The following PDE11A variants were observed in gnomAD, a reference collection of about 807,000 sequenced individuals.
PDE11A encodes the protein dual 3',5'-cyclic-AMP and -GMP phosphodiesterase 11A.
In PDE11A, 100 loss-of-function variants were observed where a neutral mutation model predicts 100.5. That is an observed-to-expected ratio of 1.00 (90% CI 0.85 to 1.18). The LOEUF (loss-of-function observed/expected upper bound fraction) is 1.18. PDE11A is among the 50% of genes most tolerant of loss of function. PDE11A has a pLI of 0.00. For missense variants in PDE11A, 1,141 were observed against 1,152.6 expected (o/e 0.99, Z 0.15); for synonymous variants, 381 against 420.8 (o/e 0.91, Z 1.16).
chr2:178,071,994 G>C lies in PDE11A; in HGVS notation c.444C>G (p.Pro148=). 1 of 1,614,126 alleles carries C rather than the reference G, an allele frequency of 6.2e-7. No individual in the cohort carries two copies. The highest frequency in any genetic ancestry group is 1.1e-5 in the South Asian group (1 of 91,074). ...GTGCCCTCCGTCGTACACTACTCAGGGGTTCCTGAGCCCGGGAGGTCACCT... is the reference window on the plus strand; with the variant it reads ...GTGCCCTCCGTCGTACACTACTCAGCGGTTCCTGAGCCCGGGAGGTCACCT... ...DEQVTSRAQE[P]LSSVRRRALL... Residue 148 remains proline (P), a synonymous_variant, in exon 1 of 20, where the codon CCC becomes CCG. Transcript: ENST00000286063.
intron 2 of PDE11A, among the ~76,000 whole-genome samples, chr2:177,919,689 GA>G (rs1559006726): frequency 6.6e-6 from 1 of 151,586 alleles, no homozygotes; most frequent in African/African-American, 2.4e-5. Context: ...TCAATAAAAA[GA>G]TATTGAATCA....
intron 5 of PDE11A, among the ~76,000 whole-genome samples, chr2:177,869,919 A>G (rs2084098693): frequency 1.3e-5 from 2 of 152,334 alleles, no homozygotes; most frequent in South Asian, 4.1e-4. Flanking sequence ...AGTTTTTCCT[A>G]AATGAATTAC....
rs2084682839 is a variant in PDE11A, at chr2:177,900,780, A to T, written c.1162-2582T>A. Reference sequence around the variant, plus strand: ...CTCAAAAAAAAAGAAAGAAAAGAAAAGAAAAAAACATGTGAATGAGTTAAG... The same window carrying T: ...CTCAAAAAAAAAGAAAGAAAAGAAATGAAAAAAACATGTGAATGAGTTAAG... On this transcript the variant is annotated intron_variant, in intron 3 of 19. Transcript: ENST00000286063. 2.0e-5 allele frequency among the ~76,000 whole-genome samples: 3 copies of T among 152,260 alleles called. No individual in the cohort carries two copies. In the South Asian group the frequency reaches 6.2e-4, roughly 32 times the overall value.
At chr2:177,780,597 T>C (rs929246473) in intron 9 of PDE11A, among the ~76,000 whole-genome samples, 2 of 152,232 alleles carry the variant, frequency 1.3e-5, no homozygotes, top group Non-Finnish European at 2.9e-5. Context: ...AAATCTGTTG[T>C]CTACTGTAAC....
At chr2:177,655,731 T>C (rs1423440716) in intron 19 of PDE11A, among the ~76,000 whole-genome samples, 1 of 152,112 alleles carries the variant, frequency 6.6e-6, no homozygotes, top group Non-Finnish European at 1.5e-5. Context: ...TTAGTTGATG[T>C]TTGTACTGAT....
intron 5 of PDE11A, among the ~76,000 whole-genome samples, chr2:177,853,714 T>G (rs10175142): frequency 0.29 from 4,496 of 15,600 alleles, 279 homozygotes; most frequent in Middle Eastern, 0.4. Context: ...GTGTGTGTGT[T>G]TGTGTGTGTG....
chr2:177,701,075 T>C, intron 14 of PDE11A, 46 bp downstream of exon 14: 1 of 1,005,092 alleles, frequency 9.9e-7, no homozygotes, highest in Non-Finnish European at 1.6e-6. Context: ...AACAAAGAGT[T>C]GTTTTGGTTT....
intron 2 of PDE11A, among the ~76,000 whole-genome samples, chr2:177,928,408 G>A (rs184498470): frequency 4.2e-4 from 64 of 152,316 alleles, no homozygotes; most frequent in Non-Finnish European, 2.9e-5. Flanking sequence ...TGAAGCAGGT[G>A]GACCACTTGA....
intron 1 of PDE11A, among the ~76,000 whole-genome samples, chr2:178,065,464 T>C (rs2087030957): frequency 6.6e-6 from 1 of 152,204 alleles, no homozygotes; most frequent in African/African-American, 2.4e-5. Flanking sequence ...CTTTACATGA[T>C]TCTGTAGGAA....
intron 19 of PDE11A, among the ~76,000 whole-genome samples, chr2:177,642,612 G>A (rs1230607653): frequency 6.6e-6 from 1 of 152,200 alleles, no homozygotes; most frequent in Non-Finnish European, 1.5e-5. Context: ...TGGCCAGGGA[G>A]ATGTAAGCAG....
chr2:178,049,537 C>T (rs919505444), intron 1 of PDE11A, among the ~76,000 whole-genome samples: 3 of 152,272 alleles, frequency 2.0e-5, no homozygotes, highest in African/African-American at 4.8e-5. Context: ...GAGCATGAGC[C>T]GAAGCAGGGC....
At chr2:177,706,654 A>T (rs1039971169) in intron 13 of PDE11A, among the ~76,000 whole-genome samples, 4 of 152,202 alleles carry the variant, frequency 2.6e-5, no homozygotes, top group African/African-American at 9.7e-5. Context: ...AAGTGCAAAA[A>T]TGACTCCATA....
At chr2:177,778,490 G>A (rs1048787566) in intron 9 of PDE11A, among the ~76,000 whole-genome samples, 11 of 152,202 alleles carry the variant, frequency 7.2e-5, no homozygotes, top group Admixed American at 3.9e-4. Flanking sequence ...GCATGAATAC[G>A]TTTATTGCTC....
chr2:177,896,741 T>A (rs961624533), intron 4 of PDE11A, among the ~76,000 whole-genome samples: 9 of 152,212 alleles, frequency 5.9e-5, no homozygotes, highest in African/African-American at 2.2e-4. Context: ...AGGATGATAG[T>A]AACACCTACC....
intron 2 of PDE11A, among the ~76,000 whole-genome samples, chr2:177,927,336 T>C (rs763601068): frequency 2.0e-5 from 3 of 152,262 alleles, no homozygotes; most frequent in Non-Finnish European, 4.4e-5. Context: ...GTCGTACTTA[T>C]GTCAAATTAG....
intron 2 of PDE11A, among the ~76,000 whole-genome samples, chr2:178,088,228 A>C (rs1355160276): frequency 6.6e-6 from 1 of 152,232 alleles, no homozygotes; most frequent in Non-Finnish European, 1.5e-5. Flanking sequence ...CAAAGTGAAA[A>C]ATGCAAAGAA....
At chr2:177,806,417 C>A (rs971850762) in intron 9 of PDE11A, among the ~76,000 whole-genome samples, 1 of 152,132 alleles carries the variant, frequency 6.6e-6, no homozygotes, top group African/African-American at 2.4e-5. Context: ...AAAGCTTCAG[C>A]CAATCCCCAG....
chr2:177,738,894 G>C (rs1033928395), intron 10 of PDE11A, among the ~76,000 whole-genome samples: 1 of 152,252 alleles, frequency 6.6e-6, no homozygotes, highest in Non-Finnish European at 1.5e-5. Flanking sequence ...ATGGACCAGG[G>C]TTCGTAAACT....
At chr2:177,930,429 C>G (rs1434379908) in intron 2 of PDE11A, among the ~76,000 whole-genome samples, 2 of 150,070 alleles carry the variant, frequency 1.3e-5, no homozygotes, top group African/African-American at 4.9e-5. Flanking sequence ...TTAGAATAGA[C>G]CAAAAAAAAA....
Sources: gnomAD v4.1 joint callset for allele counts (sites outside exome capture counted in the v4.1 genomes callset) on GRCh38, gnomAD v4.1.1 for gene constraint, MANE v1.5 for transcripts, NCBI Gene and HGNC (gene_info 2026-07-23, HGNC 2026-07-21) for gene names.